HDAC9: variants seen among roughly 807,000 people sequenced by gnomAD.
HDAC9 encodes histone deacetylase 9.
HDAC9 carries 41 observed loss-of-function variants against 139.4 expected under a neutral mutation model. That is an observed-to-expected ratio of 0.29 (90% CI 0.23 to 0.38). HDAC9 has a LOEUF of 0.38. HDAC9 is among the 10% of genes least tolerant of loss of function. The probability of loss-of-function intolerance (pLI) is 1.00; values close to 1 mark genes in which losing one functional copy is unlikely to be tolerated. For missense variants in HDAC9, 1,147 were observed against 1,297.0 expected (o/e 0.88, Z 1.78); for synonymous variants, 517 against 476.2 (o/e 1.09, Z -1.12).
chr7:18,864,459 G>T (rs911939400), intron 21 of HDAC9, among the ~76,000 whole-genome samples: 3 of 151,806 alleles, frequency 2.0e-5, no homozygotes, highest in African/African-American at 7.3e-5. Context: ...GGGGAAAATG[G>T]GGAGTTGCTC....
At chr7:18,576,751 G>A (rs1726596) in intron 2 of HDAC9, among the ~76,000 whole-genome samples, 29,585 of 151,728 alleles carry the variant, frequency 0.19, 4,454 homozygotes, top group African/African-American at 0.43. Context: ...TGTTTCTCTT[G>A]TGTCTGCAAT....
chr7:18,383,019 T>C (rs1452682971), intron 1 of HDAC9, among the ~76,000 whole-genome samples: 5 of 152,192 alleles, frequency 3.3e-5, no homozygotes, highest in Non-Finnish European at 7.4e-5. Flanking sequence ...GTGGTAAAGA[T>C]GTCATGTCTT....
chr7:18,442,105 GA>G lies in HDAC9; in HGVS notation c.-41-54156del, dbSNP rs961870709. Among the ~76,000 whole-genome samples the G allele has an allele frequency of 8.5e-5, 13 of 152,108 alleles. 1 individual carries two copies. Among genetic ancestry groups the G allele is most frequent in the African/African-American group, 3.1e-4 (13 of 41,442 alleles). Reference sequence around the variant, plus strand: ...TATTTAGAAGAGATACAGTGACATAGAGGGGAAATTAGTTTTCACAGATTTT... The same window carrying G: ...TATTTAGAAGAGATACAGTGACATAGGGGGAAATTAGTTTTCACAGATTTT... On this transcript the variant is annotated intron_variant, in intron 1 of 3. Coordinates refer to the HDAC9 transcript ENST00000413509.
At chr7:18,863,546 A>T (rs1798265667) in intron 21 of HDAC9, among the ~76,000 whole-genome samples, 1 of 152,224 alleles carries the variant, frequency 6.6e-6, no homozygotes, top group Non-Finnish European at 1.5e-5. Flanking sequence ...GGAAGCCAAA[A>T]GATTGGGCAC....
rs146061080 is a variant in HDAC9, at chr7:18,108,091, A to G, written c.-97+20878A>G. On this transcript the variant is annotated intron_variant, in intron 1 of 12. Coordinates refer to the HDAC9 transcript ENST00000417496. Reference sequence around the variant, plus strand: ...GGGACCTGTGAAAAATATGCCTACAATTAGCTACATGAGAAGCAAGGGAGT... The same window carrying G: ...GGGACCTGTGAAAAATATGCCTACAGTTAGCTACATGAGAAGCAAGGGAGT... 2.2e-3 allele frequency among the ~76,000 whole-genome samples: 333 copies of G among 152,346 alleles called. 1 individual carries two copies. The highest frequency in any genetic ancestry group is 7.8e-3 in the African/African-American group (324 of 41,584).
intron 23 of HDAC9, among the ~76,000 whole-genome samples, chr7:18,941,150 T>C (rs1487652294): frequency 7.0e-6 from 1 of 143,288 alleles, no homozygotes; most frequent in Admixed American, 7.6e-5. Flanking sequence ...ATTTCTTTTT[T>C]TGTCTCTTCT....
chr7:18,509,977 G>T (rs1417660814), intron 2 of HDAC9, among the ~76,000 whole-genome samples: 1 of 152,102 alleles, frequency 6.6e-6, no homozygotes, highest in Non-Finnish European at 1.5e-5. Flanking sequence ...ATAAATGAAT[G>T]ATTAAAGAGT....
At chr7:18,493,454 G>T (rs1215304907), upstream of HDAC9, among the ~76,000 whole-genome samples, 1 of 151,900 alleles carries the variant, frequency 6.6e-6, no homozygotes, top group African/African-American at 2.4e-5. Context: ...TATATGGTTA[G>T]TTATTAATTA....
chr7:18,668,719 T>C, intron 12 of HDAC9: 1 of 973,338 alleles, frequency 1.0e-6, no homozygotes, highest in African/African-American at 1.8e-5. Flanking sequence ...CTACTGTATT[T>C]ATTATAATTT....
intron 17 of HDAC9, among the ~76,000 whole-genome samples, chr7:18,826,636 G>C (rs1007213119): frequency 6.0e-5 from 9 of 148,794 alleles, no homozygotes; most frequent in Admixed American, 3.3e-4. Flanking sequence ...AGGAGGAAGA[G>C]AGAATTCAAG....
chr7:18,952,247 G>A (rs1305348821), intron 23 of HDAC9, among the ~76,000 whole-genome samples: 3 of 151,824 alleles, frequency 2.0e-5, no homozygotes, highest in Non-Finnish European at 4.4e-5. Flanking sequence ...GGGTTTAGGG[G>A]TGTTTGTATT....
At chr7:18,787,655 T>C (rs748978944) in intron 16 of HDAC9, among the ~76,000 whole-genome samples, 1 of 152,224 alleles carries the variant, frequency 6.6e-6, no homozygotes, top group Non-Finnish European at 1.5e-5. Flanking sequence ...AAAATACAGT[T>C]AAACCTCACT....
Position 18,634,650 on chromosome 7 carries a change from C to G in HDAC9, c.820C>G (p.Pro274Ala). ...AGAATCCTCAGTCAGTAGCAGTTCT[C>G]CAGGCTCTGGTCCCAGTTCACCAAA... ...VTESSVSSSS[P>A]GSGPSSPNNG... The change falls in exon 8 of 26, where the codon CCA (proline) becomes GCA (alanine). Residue 274 changes from proline (P) to alanine (A), a missense_variant. Pro to Ala is a conservative substitution (Grantham distance 27). Transcript: ENST00000686413. 6.3e-7 allele frequency: 1 copy of G among 1,586,558 alleles called. No homozygotes were observed. Among genetic ancestry groups the G allele is most frequent in the South Asian group, 1.2e-5 (1 of 86,874 alleles).
At chr7:18,620,642 T>C (rs1338793606) in intron 6 of HDAC9, among the ~76,000 whole-genome samples, 1 of 152,028 alleles carries the variant, frequency 6.6e-6, no homozygotes, top group East Asian at 1.9e-4. Flanking sequence ...TTGAGGCACA[T>C]TGGTGAGGAG....
At chr7:18,277,921 A>C (rs1160158178) in intron 2 of HDAC9, among the ~76,000 whole-genome samples, 1 of 152,206 alleles carries the variant, frequency 6.6e-6, no homozygotes, top group African/African-American at 2.4e-5. Context: ...TTTTAAAAAA[A>C]CTTGTTATCG....
intron 2 of HDAC9, among the ~76,000 whole-genome samples, chr7:18,276,414 G>C (rs1446656676): frequency 1.3e-5 from 2 of 152,208 alleles, no homozygotes; most frequent in Non-Finnish European, 2.9e-5. Flanking sequence ...AAATACTTCA[G>C]AATGTCTTGC....
In HDAC9 at chr7:18,732,145, C is replaced by T. The variant is rs191356448; in HGVS notation, c.1909+4388C>T. ...AAAGTGCTGGGATTACAGGTGTGAG[C>T]TACTGAGCTGGGCCTGAGATAACTG... is the stretch of plus-strand genomic sequence containing the variant. On this transcript the variant is annotated intron_variant, in intron 13 of 25. Transcript: ENST00000686413. Among the ~76,000 whole-genome samples the T allele has an allele frequency of 4.4e-3, 663 of 152,292 alleles. 6 individuals carry two copies. Among genetic ancestry groups the T allele is most frequent in the African/African-American group, 0.015 (624 of 41,554 alleles).
intron 1 of HDAC9, among the ~76,000 whole-genome samples, chr7:18,383,464 T>A (rs1238214697): frequency 1.3e-5 from 2 of 152,126 alleles, no homozygotes; most frequent in Non-Finnish European, 2.9e-5. Context: ...GGCATTTAAG[T>A]TAGTAAAGAA....
chr7:18,863,013 A>T (rs984796490), intron 21 of HDAC9, among the ~76,000 whole-genome samples: 8 of 152,174 alleles, frequency 5.3e-5, no homozygotes, highest in Non-Finnish European at 7.3e-5. Context: ...ATATTCTTGT[A>T]ATTATCATCC....
Sources: gnomAD v4.1 joint callset for allele counts (sites outside exome capture counted in the v4.1 genomes callset) on GRCh38, gnomAD v4.1.1 for gene constraint, MANE v1.5 for transcripts, NCBI Gene and HGNC (gene_info 2026-07-23, HGNC 2026-07-21) for gene names.